Variants in IL17D observed in about 807,000 individuals in gnomAD.
IL17D encodes the protein interleukin 17D.
A neutral mutation model predicts 5.7 loss-of-function variants in IL17D; 10 were observed. The ratio of observed to expected loss-of-function variants is 1.75; its 90% CI spans 1.08 to 2.97. IL17D has a LOEUF of 2.97. Among genes scored for constraint, IL17D ranks in the 30% most tolerant of loss-of-function variants. IL17D has a pLI of 0.00. For synonymous variants in IL17D, 172 were observed against 141.7 expected, an observed-to-expected ratio of 1.21 and a Z score of -1.52; for missense variants, 354 against 292.7, an observed-to-expected ratio of 1.21 and a Z score of -1.53.
intron 1 of IL17D, chr13:20,717,379 A>G (rs937312658): frequency 1.3e-5 from 2 of 152,192 alleles, no homozygotes; most frequent in African/African-American, 4.8e-5. Context: ...GGTAAGAGAA[A>G]AGGCTCCCGT....
rs2058743638 is a variant in IL17D at position 20,722,316 on chromosome 13, G to A, written c.*362G>A. 2 of 271,438 alleles carry A rather than the reference G, an allele frequency of 7.4e-6. No individual in the cohort carries two copies. The allele number at this position is 271,438 out of a possible 1,614,324, so 16.8% of individuals were successfully genotyped here. On this transcript the variant is annotated 3_prime_UTR_variant, in exon 2 of 2. Transcript: ENST00000682841. ...GACTCACCGCTGGGTGCTTGCCAAA[G>A]AGATAGGGACGCATATGCTTTTTAA...
At chr13:20,707,430 G>A (rs371448884) in intron 1 of IL17D, among the ~76,000 whole-genome samples, 9 of 105,376 alleles carry the variant, frequency 8.5e-5, no homozygotes, top group African/African-American at 3.0e-4. Context: ...AACAGAGTGA[G>A]AACTTGTCTC....
In IL17D at chr13:20,721,729, C is replaced by T; in HGVS notation, c.384C>T (p.Asp128=). The part of the protein sequence containing the change: ...GCLTGLFGEE[D]VRFRSAPVYM... ...TGACCGGGCTGTTCGGCGAGGAGGA[C>T]GTGCGCTTCCGCAGCGCCCCTGTCT... Residue 128 remains aspartate, a synonymous_variant, in exon 2 of 2, where the codon GAC becomes GAT. Transcript: ENST00000682841. The T allele has an allele frequency of 1.9e-6, 3 of 1,611,048 alleles. No homozygotes were observed. Among genetic ancestry groups the T allele is most frequent in the Non-Finnish European group, 2.5e-6 (3 of 1,179,500 alleles).
At chr13:20,711,698 C>T (rs1454500579) in intron 1 of IL17D, among the ~76,000 whole-genome samples, 1 of 152,196 alleles carries the variant, frequency 6.6e-6, no homozygotes, top group East Asian at 1.9e-4. Context: ...TGAAGGAAGC[C>T]GGTATTTTCC....
At chr13:20,710,981 T>C (rs1321398832) in intron 1 of IL17D, among the ~76,000 whole-genome samples, 1 of 151,978 alleles carries the variant, frequency 6.6e-6, no homozygotes, top group South Asian at 2.1e-4. Flanking sequence ...AGAGTACAAG[T>C]TGGCCAGGCG....
rs2058566101 is a variant in IL17D at position 20,704,035 on chromosome 13, C to T, written c.34C>T (p.Pro12Ser). 21 of 1,038,902 alleles carry T rather than the reference C, an allele frequency of 2.0e-5. No homozygotes were observed. The highest frequency in any genetic ancestry group is 2.4e-5 in the Non-Finnish European group (21 of 868,676). The allele number at this position is 1,038,902 out of a possible 1,614,324, so 64.4% of individuals were successfully genotyped here. A position where few individuals can be genotyped will look rare whatever the true frequency, so the allele number is the denominator to read the frequency against. The change falls in exon 1 of 2, where the codon CCG (proline) becomes TCG (serine). Residue 12 changes from proline (P) to serine (S), a missense_variant. Pro to Ser is a moderately conservative substitution (Grantham distance 74). Transcript: ENST00000682841. Reference protein sequence around the residue: ...LVAGFLLALPPSWAAGAPRAG... With the variant: ...LVAGFLLALPSSWAAGAPRAG... The stretch of plus-strand genomic sequence containing the variant: ...AGCCGGCTTCCTGCTGGCGCTGCCG[C>T]CGAGCTGGGCCGCGGGCGCCCCGAG...
rs552346058 is a variant in IL17D, at chr13:20,715,531, G to A, written c.291-6105G>A. On this transcript the variant is annotated intron_variant, in intron 1 of 1. Coordinates refer to ENST00000682841, the MANE Select transcript of IL17D (RefSeq NM_001385224.1). The stretch of plus-strand genomic sequence containing the variant: ...GCTAGCCTTTAGGGATAGCGCTTAC[G>A]TTGTTGACTGTGCAGCCAGAAATGG... Among the ~76,000 whole-genome samples the A allele has an allele frequency of 3.3e-5, 5 of 152,242 alleles. No individual in the cohort carries two copies. In the East Asian group the frequency reaches 9.7e-4, roughly 29 times the overall value.
chr13:20,705,406 C>T (rs1179130993), intron 1 of IL17D, among the ~76,000 whole-genome samples: 1 of 152,182 alleles, frequency 6.6e-6, no homozygotes, highest in Non-Finnish European at 1.5e-5. Flanking sequence ...GGATCCCCGC[C>T]TTGTCAGCAG....
chr13:20,710,458 A>AAAAAAG (rs2141386628), intron 1 of IL17D, among the ~76,000 whole-genome samples: 1 of 149,322 alleles, frequency 6.7e-6, no homozygotes, highest in Non-Finnish European at 1.5e-5. Context: ...TACTAAAAAA[A>AAAAAAG]AAAAAAAAAA....
upstream of IL17D, chr13:20,702,288 T>C (rs994240164): frequency 3.9e-5 from 6 of 152,238 alleles, no homozygotes; most frequent in African/African-American, 1.4e-4. Context: ...TTTTTAGCAG[T>C]AGATTACTAA....
chr13:20,717,362 CGT>C (rs1433786822), intron 1 of IL17D: 1 of 152,240 alleles, frequency 6.6e-6, no homozygotes, highest in Admixed American at 6.5e-5. Flanking sequence ...GTTGCTTGTC[CGT>C]GTTTGGTAAG....
Position 20,722,244 on chromosome 13 carries a change from G to T in IL17D, c.*290G>T. 1 of 400,550 alleles carries T rather than the reference G, an allele frequency of 2.5e-6. No individual in the cohort carries two copies. Among genetic ancestry groups the T allele is most frequent in the Non-Finnish European group, 4.4e-6 (1 of 225,612 alleles). The allele number at this position is 400,550 out of a possible 1,614,324, so 24.8% of individuals were successfully genotyped here. On this transcript the variant is annotated 3_prime_UTR_variant, in exon 2 of 2. Coordinates refer to ENST00000682841, the MANE Select transcript of IL17D (RefSeq NM_001385224.1). The stretch of plus-strand genomic sequence containing the variant: ...TGGAGGGTTTGGAAAAGTTCACGGA[G>T]GCTCCCTGAGGAGCCTCTCAGATCG...
At chr13:20,711,546 AGAGAGTAAAG>A (rs937819669) in intron 1 of IL17D, among the ~76,000 whole-genome samples, 2 of 152,176 alleles carry the variant, frequency 1.3e-5, no homozygotes, top group Admixed American at 6.5e-5. Flanking sequence ...AGACCATAGC[AGAGAGTAAAG>A]GAGAGTAGGG....
At chr13:20,721,514 G>GCGCC (rs1184578032) in intron 1 of IL17D, 122 bp from the exon 2 acceptor site, 7 of 754,178 alleles carry the variant, frequency 9.3e-6, no homozygotes, top group Non-Finnish European at 1.4e-5. Context: ...TCGCACGCAC[G>GCGCC]CGCCCGCAGG....
intron 1 of IL17D, among the ~76,000 whole-genome samples, chr13:20,709,954 A>G (rs1382544471): frequency 6.6e-6 from 1 of 152,116 alleles, no homozygotes; most frequent in Non-Finnish European, 1.5e-5. Flanking sequence ...CTGCGACTCC[A>G]TGGCTGGTTT....
At position 20,705,790 on chromosome 13, in the gene IL17D, T is replaced by G. The variant is rs41353648; in HGVS notation, c.290+1499T>G. 3.1e-4 allele frequency among the ~76,000 whole-genome samples: 47 copies of G among 152,330 alleles called. 1 individual carries two copies. Among genetic ancestry groups the G allele is most frequent in the Admixed American group, 1.1e-3 (17 of 15,300 alleles). ...TTTAGGAGGGTGTCCCAATGGGGCA[T>G]GGATTGGACAATGCTCTCCAGCACT... On this transcript the variant is annotated intron_variant, in intron 1 of 1. Transcript: ENST00000682841.
chr13:20,704,293 T>C lies in IL17D; in HGVS notation c.290+2T>C. The C allele has an allele frequency of 8.6e-7, 1 of 1,162,916 alleles. No homozygotes were observed. The highest frequency in any genetic ancestry group is 1.8e-5 in the African/African-American group (1 of 54,386). 72.0% of individuals were successfully genotyped at this position (1,162,916 alleles called of 1,614,324 possible). A position where few individuals can be genotyped will look rare whatever the true frequency, so the allele number is the denominator to read the frequency against. ...CAGCGTGTCGCCCTGGGCCTACAGGTGAGCCGCGGGCGCGTCCTGGCGGGG... is the reference window on the plus strand; with the variant it reads ...CAGCGTGTCGCCCTGGGCCTACAGGCGAGCCGCGGGCGCGTCCTGGCGGGG... On this transcript the variant is annotated splice_donor_variant, in intron 1 of 1. Coordinates refer to ENST00000682841, the MANE Select transcript of IL17D (RefSeq NM_001385224.1). LOFTEE classifies it high-confidence loss of function.
At chr13:20,720,261 C>G (rs2058720668) in intron 1 of IL17D, among the ~76,000 whole-genome samples, 1 of 152,170 alleles carries the variant, frequency 6.6e-6, no homozygotes, top group African/African-American at 2.4e-5. Flanking sequence ...TAACCACCAT[C>G]TATCGGTGGA....
In IL17D at chr13:20,704,763, A is replaced by G. The variant is rs946874368; in HGVS notation, c.290+472A>G. Among the ~76,000 whole-genome samples the G allele has an allele frequency of 4.6e-5, 7 of 151,578 alleles. No individual in the cohort carries two copies. In the South Asian group the frequency reaches 1.3e-3, roughly 27 times the overall value. On this transcript the variant is annotated intron_variant, in intron 1 of 1. Transcript: ENST00000682841. ...CCGTGATGTGGACACAGTGATGTGG[A>G]CCGTACTCTGCACAGGGGGCCCGGG...
Sources: allele counts gnomAD v4.1 joint callset (sites outside exome capture counted in the v4.1 genomes callset), GRCh38; gene constraint gnomAD v4.1.1; transcripts MANE v1.5; gene names NCBI Gene and HGNC (gene_info 2026-07-23, HGNC 2026-07-21).